LAMA5: variants seen among roughly 807,000 people sequenced by gnomAD.
LAMA5 encodes laminin subunit alpha-5.
A neutral mutation model predicts 433.4 loss-of-function variants in LAMA5; 260 were observed. That is an observed-to-expected ratio of 0.60 (90% CI 0.54 to 0.66). The LOEUF (loss-of-function observed/expected upper bound fraction) is 0.66. Among genes scored for constraint, LAMA5 ranks in the 30% least tolerant of loss-of-function variants. LAMA5 has a pLI of 0.00. For missense variants in LAMA5, 5,378 were observed against 5,258.5 expected, an observed-to-expected ratio of 1.02 and a Z score of -0.70; for synonymous variants, 2,620 against 2,226.6, an observed-to-expected ratio of 1.18 and a Z score of -4.97.
rs200148340 is a variant in LAMA5 at position 62,325,345 on chromosome 20, G to A, written c.5500C>T (p.Pro1834Ser). The A allele has an allele frequency of 4.8e-5, 77 of 1,597,282 alleles. 1 individual carries two copies. The Admixed American group carries it at 1.2e-3, about 25-fold the overall frequency. ...LASNVELCLC[P>S]ASYRGDSCQE... Reference sequence around the variant, plus strand: ...CATGAGTCCCCCCGGTAGCTGGCGGGGCACAGGCACAGCTCCACATTGCTG... The same window carrying A: ...CATGAGTCCCCCCGGTAGCTGGCGGAGCACAGGCACAGCTCCACATTGCTG... Residue 1834 changes from proline to serine, a missense_variant, in exon 41 of 80, where the codon CCC (proline) becomes TCC (serine). Physicochemically the swap from Pro to Ser is moderately conservative, Grantham distance 74. Transcript: ENST00000252999.
At chr20:62,309,595 T>TG (rs1568884695) in intron 79 of LAMA5, 120 bp from the exon 80 acceptor site, 1 of 460,316 alleles carries the variant, frequency 2.2e-6, no homozygotes, top group African/African-American at 3.4e-5. Context: ...AGGAGGGTGG[T>TG]AGGGGGGTGG....
rs1986819659 is a variant in LAMA5 at position 62,367,083 on chromosome 20, C to G, written c.163G>C (p.Gly55Arg). The G allele has an allele frequency of 7.9e-7, 1 of 1,266,694 alleles. No individual in the cohort carries two copies. Among genetic ancestry groups the G allele is most frequent in the Non-Finnish European group, 9.9e-7 (1 of 1,009,608 alleles). 78.5% of individuals were successfully genotyped at this position (1,266,694 alleles called of 1,614,324 possible). The change falls in exon 1 of 80, where the codon GGC becomes CGC. Residue 55 changes from glycine (G) to arginine (R), a missense_variant. Physicochemically the swap from Gly to Arg is moderately radical, Grantham distance 125. Transcript: ENST00000252999. The stretch of plus-strand genomic sequence containing the variant: ...GTCGCGGAGGCGGCGATGCGGGCGC[C>G]CTCGGCCAGGTTGAAGTAGGGCGGG... ...LHPPYFNLAEGARIAASATCG... is the reference protein window; with the variant it reads ...LHPPYFNLAERARIAASATCG...
chr20:62,332,463 G>A lies in LAMA5; in HGVS notation c.3461C>T (p.Thr1154Ile), dbSNP rs1288952936. 2.5e-6 allele frequency: 4 copies of A among 1,612,420 alleles called. No homozygotes were observed. The highest frequency in any genetic ancestry group is 3.4e-6 in the Non-Finnish European group (4 of 1,179,852). The change falls in exon 28 of 80, where the codon ACT becomes ATT. Residue 1154 changes from threonine to isoleucine, a missense_variant. By Grantham distance (89) the Thr-to-Ile change is moderately conservative (BLOSUM62 -1). Transcript: ENST00000252999. ...PCLYSTLCRG[T>I]ARDTQDHLAV... Reference sequence around the variant, plus strand: ...CAGGTGGTCCTGGGTATCCCGGGCAGTGCCCCGGCACAGGGTGCTGTGGGG... The same window carrying A: ...CAGGTGGTCCTGGGTATCCCGGGCAATGCCCCGGCACAGGGTGCTGTGGGG...
At chr20:62,317,266 C>T in intron 55 of LAMA5, 79 bp downstream of exon 55, 1 of 1,417,604 alleles carries the variant, frequency 7.1e-7, no homozygotes, top group Non-Finnish European at 9.3e-7. Context: ...TAGGAGCCTT[C>T]CCAGACCAGC....
chr20:62,346,180 A>G lies in LAMA5; in HGVS notation c.1318T>C (p.Cys440Arg), dbSNP rs1024057777. 2.5e-6 allele frequency: 4 copies of G among 1,612,636 alleles called. No individual in the cohort carries two copies. Among genetic ancestry groups the G allele is most frequent in the Middle Eastern group, 1.6e-4 (1 of 6,082 alleles). ...NCESDFTDGT[C>R]EDLTGRCYCR... ...TAGCATCGACCCGTCAGGTCCTCGC[A>G]GGTGCCATCCGTGAAGTCGGACTCG... The change falls in exon 10 of 80, where the codon TGC becomes CGC. Residue 440 changes from cysteine (C) to arginine (R), a missense_variant. Coordinates refer to ENST00000252999, the MANE Select transcript of LAMA5 (RefSeq NM_005560.6).
chr20:62,336,987 C>T (rs1249372567), intron 16 of LAMA5: 2 of 694,722 alleles, frequency 2.9e-6, no homozygotes, highest in South Asian at 3.0e-5. Context: ...CACACAGCAC[C>T]TGCTCATGGA....
chr20:62,322,621 C>CCG, intron 46 of LAMA5, 37 bp downstream of exon 46: 1 of 1,101,226 alleles, frequency 9.1e-7, no homozygotes, highest in Non-Finnish European at 1.3e-6. Flanking sequence ...AGTCCCTAGG[C>CCG]CCCACCCACC....
In LAMA5 at chr20:62,328,905, A is replaced by G; in HGVS notation, c.4386T>C (p.His1462=). The part of the protein sequence containing the change: ...PFGGQCPCHA[H]VIGRDCSRCA... ...AGCGGGAGCAGTCACGGCCAATGAC[A>G]TGGGCATGGCAGGGACACTGGCCCC... is the stretch of plus-strand genomic sequence containing the variant. The change falls in exon 34 of 80, where the codon CAT becomes CAC. Residue 1462 remains histidine (H), a synonymous_variant. Transcript: ENST00000252999. 6.2e-7 allele frequency: 1 copy of G among 1,611,788 alleles called. No homozygotes were observed.
chr20:62,320,609 C>G lies in LAMA5; in HGVS notation c.6709G>C (p.Glu2237Gln), dbSNP rs1201549823. 1.9e-6 allele frequency: 3 copies of G among 1,607,888 alleles called. No individual in the cohort carries two copies. The South Asian group carries it at 3.3e-5, about 18-fold the overall frequency. Residue 2237 changes from glutamate to glutamine, a missense_variant, in exon 50 of 80, where the codon GAG (glutamate) becomes CAG (glutamine). Coordinates refer to ENST00000252999, the MANE Select transcript of LAMA5 (RefSeq NM_005560.6). Reference sequence around the variant, plus strand: ...TGCCCGAGGCTTGTGCTCTGCTGCTCCAGCACCTCCAGCTGCTGTGCCGTC... The same window carrying G: ...TGCCCGAGGCTTGTGCTCTGCTGCTGCAGCACCTCCAGCTGCTGTGCCGTC... Reference protein sequence around the residue: ...HETAQQLEVLEQQSTSLGQDA... With the variant: ...HETAQQLEVLQQQSTSLGQDA...
At position 62,353,147 on chromosome 20, in the gene LAMA5, C is replaced by G; in HGVS notation, c.555G>C (p.Trp185Cys). The G allele has an allele frequency of 6.3e-7, 1 of 1,575,356 alleles. No individual in the cohort carries two copies. Among genetic ancestry groups the G allele is most frequent in the Non-Finnish European group, 8.6e-7 (1 of 1,160,768 alleles). The change falls in exon 3 of 80, where the codon TGG becomes TGC. Residue 185 changes from tryptophan to cysteine, a missense_variant. By Grantham distance (215) the Trp-to-Cys change is radical. Transcript: ENST00000252999. Reference protein sequence around the residue: ...SMDFGRTYQPWQFFASSKRDC... With the variant: ...SMDFGRTYQPCQFFASSKRDC... The stretch of plus-strand genomic sequence containing the variant: ...GCAGAGACTCACAGGCAAAGAACTG[C>G]CAGGGCTGGTAGGTGCGGCCGAAGT...
chr20:62,311,784 T>C lies in LAMA5; in HGVS notation c.9636A>G (p.Gly3212=). 6.4e-7 allele frequency: 1 copy of C among 1,557,988 alleles called. No individual in the cohort carries two copies. Among genetic ancestry groups the C allele is most frequent in the East Asian group, 2.3e-5 (1 of 43,084 alleles). Residue 3212 remains glycine, a splice_region_variant and synonymous_variant, in exon 71 of 80, where the codon GGA becomes GGG. Transcript: ENST00000252999. ...GCTGGTCATCGACATACAGCCAGAC[T>C]CTGGGGGGCGGGAGGCCGGAGGCTC... ...HYVAFYSNAT[G]VWLYVDDQLQ...
At chr20:62,365,574 G>T (rs995716019) in intron 1 of LAMA5, among the ~76,000 whole-genome samples, 1 of 152,198 alleles carries the variant, frequency 6.6e-6, no homozygotes, top group South Asian at 2.1e-4. Flanking sequence ...CTCAGCTGGG[G>T]ACACTCAGCC....
chr20:62,317,575 CG>C, intron 54 of LAMA5, 76 bp from the exon 55 acceptor site: 1 of 1,522,890 alleles, frequency 6.6e-7, no homozygotes, highest in South Asian at 1.3e-5. Context: ...GGGCTCTGCA[CG>C]CAAGTGTGCA....
intron 52 of LAMA5, 64 bp downstream of exon 52, chr20:62,318,778 TC>T: frequency 1.3e-6 from 2 of 1,581,298 alleles, no homozygotes; most frequent in Non-Finnish European, 1.7e-6. Context: ...CATGCTGACC[TC>T]CCCCTTGGAG....
At chr20:62,319,087 A>G (rs959039761) in intron 51 of LAMA5, 74 bp from the exon 52 acceptor site, 5 of 1,408,512 alleles carry the variant, frequency 3.5e-6, no homozygotes, top group Non-Finnish European at 4.7e-6. Flanking sequence ...TTCCAAGCCC[A>G]AGACCCCAGC....
chr20:62,344,394 G>A (rs888164284), intron 11 of LAMA5, among the ~76,000 whole-genome samples: 3 of 152,056 alleles, frequency 2.0e-5, no homozygotes, highest in African/African-American at 7.2e-5. Flanking sequence ...TGTGGTAATG[G>A]CAATGATTTG....
At chr20:62,336,679 T>A in intron 17 of LAMA5, 55 bp downstream of exon 17, 1 of 1,600,178 alleles carries the variant, frequency 6.2e-7, no homozygotes, top group Non-Finnish European at 8.6e-7. Context: ...CTCGGGACTT[T>A]TAGCTTGGCC....
At chr20:62,321,297 G>A (rs1367935821) in intron 48 of LAMA5, among the ~76,000 whole-genome samples, 1 of 99,204 alleles carries the variant, frequency 1.0e-5, no homozygotes, top group Non-Finnish European at 2.1e-5. Context: ...GGTGGAGGAA[G>A]AGGGGGCCAG....
chr20:62,357,502 C>T (rs981642144), intron 2 of LAMA5, among the ~76,000 whole-genome samples: 30 of 152,240 alleles, frequency 2.0e-4, no homozygotes, highest in African/African-American at 7.0e-4. Context: ...ACAGCAGGGG[C>T]GGGGCGGCAG....
Sources: allele counts gnomAD v4.1 joint callset (sites outside exome capture counted in the v4.1 genomes callset), GRCh38; gene constraint gnomAD v4.1.1; transcripts MANE v1.5; gene names NCBI Gene and HGNC (gene_info 2026-07-23, HGNC 2026-07-21).